GRIP1: variants seen among roughly 807,000 people sequenced by gnomAD.
GRIP1 encodes the protein glutamate receptor interacting protein 1.
A neutral mutation model predicts 129.9 loss-of-function variants in GRIP1; 45 were observed. The ratio of observed to expected loss-of-function variants is 0.35; its 90% confidence interval spans 0.27 to 0.44. The LOEUF (loss-of-function observed/expected upper bound fraction) is 0.44. Among genes scored for constraint, GRIP1 ranks in the 20% least tolerant of loss-of-function variants. The probability of loss-of-function intolerance (pLI) is 1.00; values close to 1 mark genes in which losing one functional copy is unlikely to be tolerated. For missense variants in GRIP1, 1,196 were observed against 1,396.8 expected, an observed-to-expected ratio of 0.86 and a Z score of 2.29; for synonymous variants, 530 against 520.8, an observed-to-expected ratio of 1.02 and a Z score of -0.24.
chr12:66,981,049 T>A (rs1005981397), intron 1 of GRIP1, among the ~76,000 whole-genome samples: 5 of 152,182 alleles, frequency 3.3e-5, no homozygotes, highest in Non-Finnish European at 7.3e-5. Context: ...TAAAAGGCCT[T>A]CTATTCCAAT....
chr12:66,805,355 C>T (rs945747010), upstream of GRIP1, among the ~76,000 whole-genome samples: 5 of 152,168 alleles, frequency 3.3e-5, no homozygotes, highest in African/African-American at 1.2e-4. Context: ...ACTCTAAAGT[C>T]TAGAGAGGTC....
At chr12:66,835,381 T>C (rs948163461) in intron 1 of GRIP1, among the ~76,000 whole-genome samples, 2 of 152,188 alleles carry the variant, frequency 1.3e-5, no homozygotes, top group African/African-American at 4.8e-5. Context: ...CACATGGATG[T>C]TTATATCATT....
At chr12:66,690,072 T>C (rs114279047) in intron 1 of GRIP1, among the ~76,000 whole-genome samples, 3,973 of 151,988 alleles carry the variant, frequency 0.026, 173 homozygotes, top group African/African-American at 0.091. Context: ...GCAAATGCCA[T>C]CACACATGGC....
intron 2 of GRIP1, among the ~76,000 whole-genome samples, chr12:66,560,759 G>A (rs908538947): frequency 1.1e-4 from 17 of 152,068 alleles, no homozygotes; most frequent in African/African-American, 2.2e-4. Flanking sequence ...GCAGTTTGGC[G>A]GTTCCTCACA....
At chr12:66,961,407 T>C (rs942077237) in intron 1 of GRIP1, among the ~76,000 whole-genome samples, 21 of 152,272 alleles carry the variant, frequency 1.4e-4, no homozygotes, top group African/African-American at 4.8e-4. Context: ...CCTACAAATA[T>C]GTTTCCAAAT....
intron 1 of GRIP1, among the ~76,000 whole-genome samples, chr12:66,785,584 T>C (rs2038314947): frequency 6.6e-6 from 1 of 151,850 alleles, no homozygotes; most frequent in South Asian, 2.1e-4. Flanking sequence ...TCAAAATGTG[T>C]CCTTTTATTT....
intron 1 of GRIP1, among the ~76,000 whole-genome samples, chr12:66,975,327 T>G (rs2042135734): frequency 6.6e-6 from 1 of 152,188 alleles, no homozygotes; most frequent in Non-Finnish European, 1.5e-5. Context: ...TCTAAAATTG[T>G]AAACAAAGGA....
chr12:66,432,550 C>G lies in GRIP1; in HGVS notation c.1766G>C (p.Ser589Thr). ...KHNVELGITI[S>T]SPSSRKPGDP... ...TAAAAGAAATAACTTCTACTTACAACTTATGGTTATTCCAAGTTCCACATT... is the reference window on the plus strand; with the variant it reads ...TAAAAGAAATAACTTCTACTTACAAGTTATGGTTATTCCAAGTTCCACATT... Residue 589 changes from serine (S) to threonine (T), a missense_variant and splice_region_variant, in exon 14 of 25, where the codon AGT becomes ACT. Ser to Thr is a moderately conservative substitution (Grantham distance 58). This residue lies in a region of GRIP1 where 508 missense variants were observed against 587.0 expected (regional missense o/e 0.87). Transcript: ENST00000359742. 1.9e-6 allele frequency: 3 copies of G among 1,559,266 alleles called. No homozygotes were observed. The highest frequency in any genetic ancestry group is 2.7e-6 in the Non-Finnish European group (3 of 1,131,552).
At chr12:67,038,260 G>A (rs1565650625) in intron 1 of GRIP1, among the ~76,000 whole-genome samples, 1 of 152,184 alleles carries the variant, frequency 6.6e-6, no homozygotes, top group South Asian at 2.1e-4. Flanking sequence ...ACGTGGACAG[G>A]ATCCTGATGG....
chr12:67,013,249 G>A (rs1236188412), intron 1 of GRIP1, among the ~76,000 whole-genome samples: 1 of 152,018 alleles, frequency 6.6e-6, no homozygotes, highest in African/African-American at 2.4e-5. Flanking sequence ...TTTCAGAAGG[G>A]GGTTAAAAAT....
chr12:66,877,309 T>C (rs901247199), intron 1 of GRIP1, among the ~76,000 whole-genome samples: 13 of 152,120 alleles, frequency 8.5e-5, no homozygotes, highest in African/African-American at 3.1e-4. Flanking sequence ...ATATCTTTTG[T>C]ATTTCAGTCA....
At chr12:66,837,123 C>A (rs949269988) in intron 1 of GRIP1, among the ~76,000 whole-genome samples, 2 of 152,172 alleles carry the variant, frequency 1.3e-5, no homozygotes, top group African/African-American at 4.8e-5. Context: ...TGGCTTTTCT[C>A]TTTCTAAGAA....
intron 1 of GRIP1, among the ~76,000 whole-genome samples, chr12:66,833,114 A>C (rs2039547909): frequency 6.6e-6 from 1 of 152,208 alleles, no homozygotes; most frequent in African/African-American, 2.4e-5. Context: ...CCATCTCTGC[A>C]GGATGCAGCC....
chr12:66,477,463 T>G (rs1245819865), intron 7 of GRIP1, among the ~76,000 whole-genome samples: 3 of 151,912 alleles, frequency 2.0e-5, no homozygotes, highest in Non-Finnish European at 4.4e-5. Context: ...CCCAGGTAAT[T>G]TATAGATTCA....
chr12:66,465,462 C>A, intron 7 of GRIP1, 40 bp from the exon 8 acceptor site: 1 of 1,539,258 alleles, frequency 6.5e-7, no homozygotes, highest in Non-Finnish European at 9.0e-7. Flanking sequence ...ACAAATAAAA[C>A]AAATAAGCAA....
At chr12:66,908,688 C>T (rs188024147) in intron 1 of GRIP1, among the ~76,000 whole-genome samples, 23 of 152,120 alleles carry the variant, frequency 1.5e-4, no homozygotes, top group Admixed American at 9.2e-4. Context: ...TATTCCTAGA[C>T]CAGAGGGAAA....
At chr12:66,647,592 T>C (rs1334405217) in intron 1 of GRIP1, among the ~76,000 whole-genome samples, 1 of 151,904 alleles carries the variant, frequency 6.6e-6, no homozygotes, top group Non-Finnish European at 1.5e-5. Flanking sequence ...TCTAAAGAAA[T>C]TGACAGAAGT....
chr12:66,699,310 A>G (rs1250933204), intron 1 of GRIP1, among the ~76,000 whole-genome samples: 1 of 152,208 alleles, frequency 6.6e-6, no homozygotes, highest in African/African-American at 2.4e-5. Context: ...AAGGTCAGAA[A>G]CAACAGAGAG....
intron 1 of GRIP1, among the ~76,000 whole-genome samples, chr12:67,003,249 TAA>T (rs1225223528): frequency 6.6e-6 from 1 of 152,250 alleles, no homozygotes; most frequent in Non-Finnish European, 1.5e-5. Flanking sequence ...TTTTACATTC[TAA>T]GTGTCCAACT....
Sources: gnomAD v4.1 joint callset for allele counts (sites outside exome capture counted in the v4.1 genomes callset) on GRCh38, gnomAD v4.1.1 for gene constraint, gnomAD v4.1.1 regional missense constraint, MANE v1.5 for transcripts, NCBI Gene and HGNC (gene_info 2026-07-23, HGNC 2026-07-21) for gene names.